Variants in RAP1A observed in about 807,000 individuals in gnomAD.
The protein encoded by RAP1A is ras-related protein Rap-1A.
A neutral mutation model predicts 26.4 loss-of-function variants in RAP1A; 6 were observed. That is an observed-to-expected ratio of 0.23 (90% CI 0.12 to 0.45). RAP1A has a LOEUF of 0.45. Ranked by LOEUF, RAP1A falls within the 20% of genes least tolerant of loss-of-function variation. The pLI is 0.99. For missense variants in RAP1A, 121 were observed against 217.2 expected (o/e 0.56, Z 2.78); for synonymous variants, 73 against 79.4 (o/e 0.92, Z 0.43).
intron 1 of RAP1A, among the ~76,000 whole-genome samples, chr1:111,585,269 C>T (rs978715192): frequency 6.6e-6 from 1 of 152,146 alleles, no homozygotes; most frequent in African/African-American, 2.4e-5. Context: ...ATAAATTACT[C>T]TCTATATCTC....
chr1:111,571,768 T>A (rs1241642939), intron 1 of RAP1A, among the ~76,000 whole-genome samples: 1 of 152,144 alleles, frequency 6.6e-6, no homozygotes, highest in Non-Finnish European at 1.5e-5. Flanking sequence ...TTGGGACAGG[T>A]CATTCTGCTA....
intron 1 of RAP1A, among the ~76,000 whole-genome samples, chr1:111,593,005 CAGAG>C (rs1004813640): frequency 1.3e-5 from 2 of 151,902 alleles, no homozygotes; most frequent in African/African-American, 4.8e-5. Context: ...GGTGGCTGCC[CAGAG>C]AGAGGGAGAG....
At chr1:111,637,433 T>C (rs1659759080) in intron 1 of RAP1A, among the ~76,000 whole-genome samples, 1 of 152,224 alleles carries the variant, frequency 6.6e-6, no homozygotes, top group African/African-American at 2.4e-5. Context: ...GTTTATGTAT[T>C]GTATGTATAT....
intron 1 of RAP1A, among the ~76,000 whole-genome samples, chr1:111,664,075 A>G (rs779035968): frequency 8.5e-5 from 13 of 152,068 alleles, no homozygotes; most frequent in Non-Finnish European, 1.3e-4. Flanking sequence ...ATAGCCTGCT[A>G]TTTAAAACCA....
intron 1 of RAP1A, among the ~76,000 whole-genome samples, chr1:111,552,647 C>A (rs919604115): frequency 1.3e-5 from 2 of 152,160 alleles, no homozygotes; most frequent in African/African-American, 2.4e-5. Flanking sequence ...ATCACTACCA[C>A]CACCAGGCAG....
intron 1 of RAP1A, among the ~76,000 whole-genome samples, chr1:111,633,632 T>G (rs756416330): frequency 6.6e-6 from 1 of 152,244 alleles, no homozygotes; most frequent in African/African-American, 2.4e-5. Flanking sequence ...TTTCTGTGTC[T>G]TTTAAATACC....
chr1:111,691,489 CT>C, intron 2 of RAP1A, 72 bp downstream of exon 2: 1 of 1,351,354 alleles, frequency 7.4e-7, no homozygotes, highest in Non-Finnish European at 1.1e-6. Context: ...TGCTTTCAGA[CT>C]TCTAGATGCC....
intron 1 of RAP1A, among the ~76,000 whole-genome samples, chr1:111,555,312 G>A (rs1158745030): frequency 7.9e-6 from 1 of 126,088 alleles, no homozygotes; most frequent in Non-Finnish European, 1.6e-5. Flanking sequence ...GTTGCAGTGA[G>A]CCAAGATTGT....
Position 111,671,222 on chromosome 1 carries a change from C to T in RAP1A, c.-27-20112C>T, listed in dbSNP as rs1164310965. On this transcript the variant is annotated intron_variant, in intron 1 of 7. Coordinates refer to ENST00000369709, the MANE Select transcript of RAP1A (RefSeq NM_002884.4). ...TGCCCATAGAACTCCTGGGCCCAAG[C>T]GACCCTCCAGCCTCAAAGGTGAGAG... is the stretch of plus-strand genomic sequence containing the variant. 3.9e-5 allele frequency among the ~76,000 whole-genome samples: 6 copies of T among 152,218 alleles called. No individual in the cohort carries two copies. The East Asian group carries it at 9.7e-4, about 25-fold the overall frequency.
At chr1:111,571,969 G>A (rs1392813288) in intron 1 of RAP1A, among the ~76,000 whole-genome samples, 2 of 152,184 alleles carry the variant, frequency 1.3e-5, no homozygotes, top group Admixed American at 6.5e-5. Context: ...TTGAATCCTT[G>A]TGAGCTAACA....
At chr1:111,560,428 T>C (rs952579737) in intron 1 of RAP1A, among the ~76,000 whole-genome samples, 2 of 135,218 alleles carry the variant, frequency 1.5e-5, no homozygotes. Context: ...GAATAGACTT[T>C]GTGGAACAGA....
chr1:111,660,971 A>G (rs1241066094), intron 1 of RAP1A, among the ~76,000 whole-genome samples: 1 of 152,186 alleles, frequency 6.6e-6, no homozygotes, highest in Non-Finnish European at 1.5e-5. Flanking sequence ...TTATAAACCT[A>G]CATGCCATAT....
At chr1:111,648,597 G>A (rs1015074149) in intron 1 of RAP1A, 5 of 529,258 alleles carry the variant, frequency 9.4e-6, no homozygotes, top group African/African-American at 5.7e-5. Flanking sequence ...GAAGTAGAGG[G>A]CCTCCACCTC....
At chr1:111,638,058 A>G (rs1269009339) in intron 1 of RAP1A, among the ~76,000 whole-genome samples, 1 of 151,746 alleles carries the variant, frequency 6.6e-6, no homozygotes, top group Non-Finnish European at 1.5e-5. Flanking sequence ...AACATAAATA[A>G]CTATATATAT....
chr1:111,604,988 G>T (rs941096036), intron 1 of RAP1A, among the ~76,000 whole-genome samples: 2 of 152,186 alleles, frequency 1.3e-5, no homozygotes, highest in African/African-American at 2.4e-5. Flanking sequence ...ATTCTCCATT[G>T]AACTCAGACA....
At chr1:111,584,122 T>C (rs1405794020) in intron 1 of RAP1A, among the ~76,000 whole-genome samples, 2 of 151,952 alleles carry the variant, frequency 1.3e-5, no homozygotes, top group South Asian at 4.2e-4. Context: ...CCTCAGGTGA[T>C]CCACCCGCCT....
At chr1:111,588,868 T>G (rs1163483130) in intron 1 of RAP1A, among the ~76,000 whole-genome samples, 1 of 152,222 alleles carries the variant, frequency 6.6e-6, no homozygotes, top group Non-Finnish European at 1.5e-5. Flanking sequence ...GTTAAAAATA[T>G]TAGCATTAAA....
chr1:111,648,525 C>A, intron 1 of RAP1A: 2 of 558,544 alleles, frequency 3.6e-6, no homozygotes, highest in East Asian at 4.3e-5. Context: ...CCCCTCTGCC[C>A]GGGTCTGTGC....
At chr1:111,546,077 T>C (rs1350243027) in intron 1 of RAP1A, among the ~76,000 whole-genome samples, 2 of 152,186 alleles carry the variant, frequency 1.3e-5, no homozygotes, top group Middle Eastern at 3.2e-3. Context: ...TTTTTCTTTT[T>C]CAAAACTATT....
Sources: gnomAD v4.1 joint callset for allele counts (sites outside exome capture counted in the v4.1 genomes callset) on GRCh38, gnomAD v4.1.1 for gene constraint, MANE v1.5 for transcripts, NCBI Gene and HGNC (gene_info 2026-07-23, HGNC 2026-07-21) for gene names.